Variants in FAM185A observed in about 807,000 individuals in gnomAD.
FAM185A encodes protein FAM185A.
In FAM185A, 21 loss-of-function variants were observed where a neutral mutation model predicts 45.7. The observed-to-expected ratio is 0.46, with a 90% confidence interval of 0.33 to 0.66. The LOEUF (loss-of-function observed/expected upper bound fraction) is 0.66, where lower values mean the gene tolerates loss of function less well. Among genes scored for constraint, FAM185A ranks in the 30% least tolerant of loss-of-function variants. The pLI, the probability that FAM185A is intolerant of heterozygous loss-of-function variation, is 0.03. For synonymous variants in FAM185A, 117 were observed against 194.0 expected, an observed-to-expected ratio of 0.60 and a Z score of 3.30; for missense variants, 305 against 485.4, an observed-to-expected ratio of 0.63 and a Z score of 3.49.
chr7:102,826,759 A>ATGTATG, the FAM185A span, among the ~76,000 whole-genome samples: 1 of 111,538 alleles, frequency 9.0e-6, no homozygotes, highest in Non-Finnish European at 1.7e-5. Context: ...ATATATATAT[A>ATGTATG]TATATATATA....
chr7:102,818,564 A>G, the FAM185A span, among the ~76,000 whole-genome samples: 5 of 152,166 alleles, frequency 3.3e-5, no homozygotes, highest in Non-Finnish European at 7.3e-5. Context: ...AACTCTGATA[A>G]GAGTTTTATT....
chr7:102,850,018 A>G, the FAM185A span, among the ~76,000 whole-genome samples: 52 of 151,994 alleles, frequency 3.4e-4, no homozygotes, highest in Non-Finnish European at 6.6e-4. Flanking sequence ...TTTAGAAAAA[A>G]AAAAGAAAAA....
In FAM185A at chr7:102,784,474, G is replaced by T. The variant is rs570229568; in HGVS notation, c.932-2861G>T. Among the ~76,000 whole-genome samples, 3 of 152,304 alleles carry T rather than the reference G, an allele frequency of 2.0e-5. No individual in the cohort carries two copies. In the South Asian group the frequency reaches 6.2e-4, roughly 32 times the overall value. ...ACTGAATCCAGCAGCACATCAAGAA[G>T]TTTATCTACCATGATCAAGTGGGCT... On this transcript the variant is annotated intron_variant, in intron 6 of 7. Coordinates refer to ENST00000413034, the MANE Select transcript of FAM185A (RefSeq NM_001145268.2).
At chr7:102,778,399 T>C (rs1440964998) in intron 6 of FAM185A, among the ~76,000 whole-genome samples, 1 of 152,300 alleles carries the variant, frequency 6.6e-6, no homozygotes, top group Admixed American at 6.5e-5. Flanking sequence ...GTCATATAAC[T>C]GTACTCCATT....
At chr7:102,787,533 G>C in intron 7 of FAM185A, 64 bp downstream of exon 7, 1 of 1,318,350 alleles carries the variant, frequency 7.6e-7, no homozygotes, top group Non-Finnish European at 9.8e-7. Flanking sequence ...GTAGAAATGT[G>C]GTACACTTAA....
chr7:102,809,890 C>G (rs1276306750), downstream of FAM185A, among the ~76,000 whole-genome samples: 1 of 152,078 alleles, frequency 6.6e-6, no homozygotes, highest in Non-Finnish European at 1.5e-5. Context: ...TTGTTACCAC[C>G]ACCTTCTTGG....
chr7:102,835,603 G>GTTTT, the FAM185A span, among the ~76,000 whole-genome samples: 329 of 97,464 alleles, frequency 3.4e-3, 10 homozygotes, highest in Non-Finnish European at 3.9e-3. Context: ...AGGTGACATT[G>GTTTT]TTTTTTTTTT....
At chr7:102,776,713 A>G (rs77444531) in intron 5 of FAM185A, among the ~76,000 whole-genome samples, 800 of 130,244 alleles carry the variant, frequency 6.1e-3, no homozygotes, top group Middle Eastern at 0.017. Flanking sequence ...AAAAAAAAAA[A>G]AAAAAAGAAA....
the FAM185A span, chr7:102,822,331 C>A: frequency 1.1e-6 from 1 of 889,688 alleles, no homozygotes. Flanking sequence ...ACATTTATTT[C>A]TCACAGTTCT....
At chr7:102,813,566 G>A, downstream of FAM185A, 1 of 1,592,778 alleles carries the variant, frequency 6.3e-7, no homozygotes. Flanking sequence ...GCTAGTTGCA[G>A]AAGTAACCCC....
intron 7 of FAM185A, among the ~76,000 whole-genome samples, chr7:102,803,511 C>T (rs1306032196): frequency 3.9e-5 from 6 of 152,066 alleles, no homozygotes; most frequent in Non-Finnish European, 8.8e-5. Context: ...TCAGCAAAAT[C>T]GGCATACAAG....
At chr7:102,776,570 T>C (rs1449638302) in intron 5 of FAM185A, among the ~76,000 whole-genome samples, 1 of 152,004 alleles carries the variant, frequency 6.6e-6, no homozygotes, top group African/African-American at 2.4e-5. Flanking sequence ...TTCAAATTAT[T>C]CCACCCTGCC....
intron 6 of FAM185A, among the ~76,000 whole-genome samples, chr7:102,781,682 G>C (rs1795417292): frequency 6.6e-6 from 1 of 152,152 alleles, no homozygotes; most frequent in African/African-American, 2.4e-5. Context: ...AAAGACCAAA[G>C]GTAGATAAAA....
the FAM185A span, among the ~76,000 whole-genome samples, chr7:102,842,439 T>C: frequency 6.6e-6 from 1 of 152,256 alleles, no homozygotes; most frequent in Admixed American, 6.5e-5. Context: ...TGTCAAAGGC[T>C]ACCAAAATCA....
the FAM185A span, among the ~76,000 whole-genome samples, chr7:102,841,567 T>C: frequency 1.2e-4 from 19 of 152,230 alleles, no homozygotes; most frequent in Non-Finnish European, 2.6e-4. Context: ...CCAGTATCCC[T>C]TGGAACCTTA....
chr7:102,835,603 GT>G, the FAM185A span, among the ~76,000 whole-genome samples: 46 of 97,506 alleles, frequency 4.7e-4, no homozygotes, highest in South Asian at 3.9e-3. Flanking sequence ...AGGTGACATT[GT>G]TTTTTTTTTT....
At chr7:102,779,323 G>A (rs1433684405) in intron 6 of FAM185A, among the ~76,000 whole-genome samples, 1 of 152,116 alleles carries the variant, frequency 6.6e-6, no homozygotes, top group Non-Finnish European at 1.5e-5. Flanking sequence ...AAACAGTAAT[G>A]GAGTTTTGGT....
the FAM185A span, among the ~76,000 whole-genome samples, chr7:102,833,623 G>A: frequency 1.3e-5 from 2 of 150,528 alleles, no homozygotes; most frequent in Admixed American, 1.3e-4. Context: ...GTAGAGATGG[G>A]GTTTCTCTAG....
intron 6 of FAM185A, among the ~76,000 whole-genome samples, chr7:102,786,426 A>C (rs959426597): frequency 3.5e-4 from 53 of 152,328 alleles, no homozygotes; most frequent in African/African-American, 1.2e-3. Context: ...CTTGGAACCA[A>C]CCCAAATGTC....
Sources: allele counts gnomAD v4.1 joint callset (sites outside exome capture counted in the v4.1 genomes callset), GRCh38; gene constraint gnomAD v4.1.1; transcripts MANE v1.5; gene names NCBI Gene and HGNC (gene_info 2026-07-23, HGNC 2026-07-21).